Variants in AGBL4 observed in about 807,000 individuals in gnomAD.
AGBL4 encodes cytosolic carboxypeptidase 6.
A neutral mutation model predicts 66.4 loss-of-function variants in AGBL4; 58 were observed. The observed-to-expected ratio is 0.87, with a 90% CI of 0.71 to 1.09. The LOEUF is 1.09. Among genes scored for constraint, AGBL4 ranks in the 50% least tolerant of loss-of-function variants. The pLI is 0.00. For missense variants in AGBL4, 579 were observed against 631.0 expected (o/e 0.92, Z 0.88); for synonymous variants, 234 against 222.9 (o/e 1.05, Z -0.44).
At chr1:48,950,937 A>G (rs1207842586) in intron 5 of AGBL4, among the ~76,000 whole-genome samples, 1 of 152,220 alleles carries the variant, frequency 6.6e-6, no homozygotes, top group Non-Finnish European at 1.5e-5. Flanking sequence ...TAGCCTTAAT[A>G]TAACATTGTC....
intron 11 of AGBL4, among the ~76,000 whole-genome samples, chr1:48,565,581 A>G (rs563571974): frequency 6.6e-6 from 1 of 152,148 alleles, no homozygotes; most frequent in Non-Finnish European, 1.5e-5. Context: ...GCACTCAAGC[A>G]TCCAGGGTCC....
At chr1:49,088,697 G>T (rs1269577946) in intron 4 of AGBL4, among the ~76,000 whole-genome samples, 1 of 151,960 alleles carries the variant, frequency 6.6e-6, no homozygotes, top group African/African-American at 2.4e-5. Flanking sequence ...GATCATCAAG[G>T]CAGAAAATGA....
At chr1:49,601,513 C>A (rs1644957965) in intron 3 of AGBL4, among the ~76,000 whole-genome samples, 1 of 152,024 alleles carries the variant, frequency 6.6e-6, no homozygotes, top group African/African-American at 2.4e-5. Context: ...ATATATAGAC[C>A]AATGAAACGG....
intron 6 of AGBL4, among the ~76,000 whole-genome samples, chr1:48,866,310 A>G (rs1307690223): frequency 6.6e-6 from 1 of 152,150 alleles, no homozygotes; most frequent in Non-Finnish European, 1.5e-5. Context: ...ATGTATTGGT[A>G]ATTAGTCATC....
At chr1:49,289,277 G>C (rs1644489646) in intron 3 of AGBL4, among the ~76,000 whole-genome samples, 1 of 151,936 alleles carries the variant, frequency 6.6e-6, no homozygotes, top group Non-Finnish European at 1.5e-5. Flanking sequence ...GAAGAAGAAA[G>C]GAATAGTGAA....
At chr1:48,904,155 T>A (rs1433932130) in intron 5 of AGBL4, among the ~76,000 whole-genome samples, 1 of 150,812 alleles carries the variant, frequency 6.6e-6, no homozygotes, top group Non-Finnish European at 1.5e-5. Flanking sequence ...GGTGGGCGCC[T>A]GTAATCCCAG....
chr1:49,571,975 T>C (rs1275673426), intron 3 of AGBL4, among the ~76,000 whole-genome samples: 2 of 152,264 alleles, frequency 1.3e-5, no homozygotes, highest in East Asian at 3.9e-4. Context: ...GTGCAAGTAT[T>C]TTCATGAGAA....
chr1:49,666,978 AGACCTGGATTATT>A (rs1315772542), intron 3 of AGBL4, among the ~76,000 whole-genome samples: 1 of 152,164 alleles, frequency 6.6e-6, no homozygotes. Flanking sequence ...TGGAATAAGA[AGACCTGGATTATT>A]GACCTCTGCC....
At chr1:48,662,371 A>G (rs911157408) in intron 7 of AGBL4, among the ~76,000 whole-genome samples, 3 of 152,142 alleles carry the variant, frequency 2.0e-5, no homozygotes, top group Admixed American at 2.0e-4. Context: ...TGACCTCAGG[A>G]TTGTCTGATT....
intron 6 of AGBL4, among the ~76,000 whole-genome samples, chr1:48,680,925 C>T (rs969690676): frequency 7.2e-5 from 11 of 152,158 alleles, no homozygotes; most frequent in African/African-American, 2.4e-4. Context: ...CTCTTCAACC[C>T]GTTAATCCCC....
intron 2 of AGBL4, among the ~76,000 whole-genome samples, chr1:49,737,707 T>C (rs1650016190): frequency 6.6e-6 from 1 of 152,182 alleles, no homozygotes; most frequent in South Asian, 2.1e-4. Context: ...AACAAAATCC[T>C]AGTAATTCCT....
Position 49,868,359 on chromosome 1 carries a change from G to A in AGBL4, c.35-16841C>T, listed in dbSNP as rs531683251. 7.9e-5 allele frequency among the ~76,000 whole-genome samples: 12 copies of A among 152,182 alleles called. 1 individual carries two copies. In the South Asian group the frequency reaches 2.3e-3, roughly 29 times the overall value. Reference sequence around the variant, plus strand: ...AAGAAAACAAGGCTGGAGGCATCACGCTACCTGACTTCAGACTACACTACA... The same window carrying A: ...AAGAAAACAAGGCTGGAGGCATCACACTACCTGACTTCAGACTACACTACA... On this transcript the variant is annotated intron_variant, in intron 1 of 13. Coordinates refer to ENST00000371839, the MANE Select transcript of AGBL4 (RefSeq NM_032785.4).
intron 1 of AGBL4, among the ~76,000 whole-genome samples, chr1:49,861,734 G>A (rs1389448573): frequency 1.3e-5 from 2 of 152,146 alleles, no homozygotes; most frequent in Non-Finnish European, 2.9e-5. Flanking sequence ...AAAAGATAAA[G>A]AGCCTCTGCC....
intron 3 of AGBL4, among the ~76,000 whole-genome samples, chr1:49,310,176 G>A (rs1644918959): frequency 6.6e-6 from 1 of 152,082 alleles, no homozygotes; most frequent in Non-Finnish European, 1.5e-5. Flanking sequence ...GTAAGAGATT[G>A]AGTCAGAGAG....
At chr1:49,513,975 G>C (rs1302435861) in intron 3 of AGBL4, among the ~76,000 whole-genome samples, 1 of 151,870 alleles carries the variant, frequency 6.6e-6, no homozygotes, top group Non-Finnish European at 1.5e-5. Flanking sequence ...TATTCTCTTC[G>C]AAGCAATTGC....
chr1:49,122,074 T>C (rs1322972092), intron 4 of AGBL4, among the ~76,000 whole-genome samples: 1 of 152,218 alleles, frequency 6.6e-6, no homozygotes. Context: ...AAAAGCGCAG[T>C]ATTTGGGTGG....
In AGBL4 at chr1:49,080,754, C is replaced by A. The variant is rs1357145939; in HGVS notation, c.378-34954G>T. ...TTGCCATATTGTATGTTTTAATCTG[C>A]CAATTCTTGTTTTGTTCACCGTAAT... On this transcript the variant is annotated intron_variant, in intron 4 of 13. Transcript: ENST00000371839. Among the ~76,000 whole-genome samples, 5 of 152,072 alleles carry A rather than the reference C, an allele frequency of 3.3e-5. No homozygotes were observed. The South Asian group carries it at 1.0e-3, about 32-fold the overall frequency.
intron 4 of AGBL4, among the ~76,000 whole-genome samples, chr1:49,129,855 T>C (rs1221541191): frequency 6.6e-6 from 1 of 152,134 alleles, no homozygotes; most frequent in Non-Finnish European, 1.5e-5. Context: ...GGTCAAATGG[T>C]ATTTCTAGTT....
chr1:49,337,228 G>C (rs1020764298), intron 3 of AGBL4, among the ~76,000 whole-genome samples: 3 of 152,108 alleles, frequency 2.0e-5, no homozygotes, highest in Non-Finnish European at 4.4e-5. Flanking sequence ...TAGCTGATAG[G>C]AAAAGTGTTT....
Sources: gnomAD v4.1 joint callset for allele counts (sites outside exome capture counted in the v4.1 genomes callset) on GRCh38, gnomAD v4.1.1 for gene constraint, MANE v1.5 for transcripts, NCBI Gene and HGNC (gene_info 2026-07-23, HGNC 2026-07-21) for gene names.